Variants in MBD5 observed in about 807,000 individuals in gnomAD.
MBD5 encodes methyl-CpG binding domain protein 5, also known as methyl-CpG-binding domain protein 5.
Under a neutral mutation model 117.3 loss-of-function variants are expected in MBD5, and 13 were observed. The ratio of observed to expected loss-of-function variants is 0.11; its 90% CI spans 0.07 to 0.18. The LOEUF (loss-of-function observed/expected upper bound fraction) is 0.18. Ranked by LOEUF, MBD5 falls within the 10% of genes least tolerant of loss-of-function variation. The probability of loss-of-function intolerance (pLI) is 1.00; values close to 1 mark genes in which losing one functional copy is unlikely to be tolerated. For missense variants in MBD5, 1,879 were observed against 2,093.8 expected (o/e 0.90, Z 2.00); for synonymous variants, 727 against 766.4 (o/e 0.95, Z 0.85).
rs1454066142 is a variant in MBD5 at position 148,153,893 on chromosome 2, C to T, written c.-924-24807C>T. 6.9e-5 allele frequency among the ~76,000 whole-genome samples: 7 copies of T among 101,378 alleles called. No individual in the cohort carries two copies. In the East Asian group the frequency reaches 8.6e-4, roughly 13 times the overall value. The allele number at this position is 101,378 out of a possible 152,430, so 66.5% of individuals were successfully genotyped here. On this transcript the variant is annotated intron_variant, in intron 1 of 13. Transcript: ENST00000642680. ...CTTTGCCTTTGGTTTGAATGTCCTC[C>T]CGTAGCTCAGAGTAATTTGATCGTC...
intron 11 of MBD5, among the ~76,000 whole-genome samples, chr2:148,494,771 C>A (rs1341513138): frequency 3.9e-5 from 6 of 152,134 alleles, no homozygotes; most frequent in Admixed American, 2.0e-4. Context: ...ACCATCCTGG[C>A]TGACACGGTG....
At chr2:148,410,839 CAGAAG>C (rs1705225830) in intron 4 of MBD5, among the ~76,000 whole-genome samples, 1 of 152,056 alleles carries the variant, frequency 6.6e-6, no homozygotes, top group South Asian at 2.1e-4. Context: ...GATTCTTTTG[CAGAAG>C]AGAAGTTTTA....
chr2:148,469,391 C>A lies in MBD5; in HGVS notation c.1448C>A (p.Ser483Tyr). The A allele has an allele frequency of 1.2e-6, 2 of 1,613,816 alleles. No homozygotes were observed. Among genetic ancestry groups the A allele is most frequent in the South Asian group, 2.2e-5 (2 of 91,074 alleles). Residue 483 changes from serine (S) to tyrosine (Y), a missense_variant, in exon 8 of 14, where the codon TCT becomes TAT. Coordinates refer to ENST00000642680, the MANE Select transcript of MBD5 (RefSeq NM_001378120.1). ...CCACCTGTAGGACCCCAGGCCACTT[C>A]TAGTGGTATTAAGGTTCCACCCAGG... ...MMPPVGPQAT[S>Y]SGIKVPPRSP...
chr2:148,417,055 T>G (rs982495109), intron 4 of MBD5, among the ~76,000 whole-genome samples: 2 of 152,204 alleles, frequency 1.3e-5, no homozygotes, highest in Non-Finnish European at 2.9e-5. Context: ...ACATTTAATT[T>G]GACTCTATTT....
chr2:148,137,814 T>A (rs749134525), intron 1 of MBD5, among the ~76,000 whole-genome samples: 1 of 152,210 alleles, frequency 6.6e-6, no homozygotes, highest in Non-Finnish European at 1.5e-5. Flanking sequence ...ACACTTACCA[T>A]TGTGTTAAAA....
chr2:148,230,330 C>T (rs905185297), intron 2 of MBD5, among the ~76,000 whole-genome samples: 38 of 152,280 alleles, frequency 2.5e-4, no homozygotes, highest in Non-Finnish European at 5.0e-4. Context: ...CTATGGCTAC[C>T]GCTACCACAT....
At chr2:148,144,643 T>C (rs1017021139) in intron 1 of MBD5, among the ~76,000 whole-genome samples, 2 of 152,216 alleles carry the variant, frequency 1.3e-5, no homozygotes, top group Non-Finnish European at 2.9e-5. Context: ...AAGGAAGGGA[T>C]CCAGTTTCAG....
chr2:148,439,819 A>G (rs1164589221), intron 4 of MBD5, among the ~76,000 whole-genome samples: 4 of 150,686 alleles, frequency 2.7e-5, no homozygotes, highest in African/African-American at 9.8e-5. Context: ...GTTTATTGCA[A>G]CCTCAAACTC....
At chr2:148,064,237 C>G (rs1412961821) in intron 1 of MBD5, among the ~76,000 whole-genome samples, 1 of 151,262 alleles carries the variant, frequency 6.6e-6, no homozygotes, top group Admixed American at 6.6e-5. Context: ...GCCATTCTCC[C>G]GCCTAGTAGC....
chr2:148,322,016 T>C (rs1240049634), intron 3 of MBD5, among the ~76,000 whole-genome samples: 1 of 152,200 alleles, frequency 6.6e-6, no homozygotes, highest in Non-Finnish European at 1.5e-5. Flanking sequence ...CATCTAACAA[T>C]CTGCTTTATT....
At chr2:148,275,327 T>G (rs1701082758) in intron 3 of MBD5, among the ~76,000 whole-genome samples, 1 of 152,134 alleles carries the variant, frequency 6.6e-6, no homozygotes, top group Non-Finnish European at 1.5e-5. Flanking sequence ...CACATTTTTA[T>G]TATTGGACTC....
At chr2:148,144,515 C>A (rs1219611569) in intron 1 of MBD5, among the ~76,000 whole-genome samples, 1 of 152,146 alleles carries the variant, frequency 6.6e-6, no homozygotes, top group East Asian at 1.9e-4. Flanking sequence ...GTCATGAAGT[C>A]CTTGCCCATG....
At chr2:148,232,787 T>C (rs1700020241) in intron 2 of MBD5, among the ~76,000 whole-genome samples, 2 of 152,142 alleles carry the variant, frequency 1.3e-5, no homozygotes. Flanking sequence ...TGGTATGCTA[T>C]GAATTGATAA....
chr2:148,341,988 A>G (rs994371156), intron 3 of MBD5, among the ~76,000 whole-genome samples: 2 of 152,050 alleles, frequency 1.3e-5, no homozygotes, highest in African/African-American at 2.4e-5. Context: ...TCTTCTGATT[A>G]TATTATTAAA....
At chr2:148,144,989 T>G (rs980153402) in intron 1 of MBD5, among the ~76,000 whole-genome samples, 2 of 152,200 alleles carry the variant, frequency 1.3e-5, no homozygotes, top group Admixed American at 1.3e-4. Context: ...GTGAAGAAAG[T>G]CATTGGTAGC....
chr2:148,188,031 G>A (rs920058781), intron 2 of MBD5, among the ~76,000 whole-genome samples: 27 of 152,262 alleles, frequency 1.8e-4, no homozygotes, highest in Admixed American at 1.8e-3. Flanking sequence ...TAGTACAGGT[G>A]GAATATTCCT....
intron 4 of MBD5, among the ~76,000 whole-genome samples, chr2:148,409,330 G>C (rs192575644): frequency 6.6e-6 from 1 of 151,490 alleles, no homozygotes; most frequent in Non-Finnish European, 1.5e-5. Flanking sequence ...AGAGGATGTG[G>C]TAAGACATGA....
intron 4 of MBD5, among the ~76,000 whole-genome samples, chr2:148,432,583 A>G (rs1706023368): frequency 1.3e-5 from 2 of 152,132 alleles, no homozygotes; most frequent in South Asian, 2.1e-4. Context: ...TCTTCTGCAT[A>G]TGGCTAGACA....
chr2:148,256,651 T>C (rs141614105), intron 3 of MBD5, among the ~76,000 whole-genome samples: 21 of 152,342 alleles, frequency 1.4e-4, no homozygotes, highest in Admixed American at 2.6e-4. Flanking sequence ...TCAAACCATA[T>C]GGTGTCAGTA....
Sources: gnomAD v4.1 joint callset for allele counts (sites outside exome capture counted in the v4.1 genomes callset) on GRCh38, gnomAD v4.1.1 for gene constraint, MANE v1.5 for transcripts, NCBI Gene and HGNC (gene_info 2026-07-23, HGNC 2026-07-21) for gene names.